The following KDM4C variants were observed in gnomAD, a reference collection of about 807,000 sequenced individuals.
The protein encoded by KDM4C is lysine-specific demethylase 4C.
Under a neutral mutation model 129.3 loss-of-function variants are expected in KDM4C, and 81 were observed. The ratio of observed to expected loss-of-function variants is 0.63; its 90% CI spans 0.52 to 0.75. The LOEUF (loss-of-function observed/expected upper bound fraction) is 0.75. KDM4C is among the 30% of genes least tolerant of loss of function. The probability of loss-of-function intolerance (pLI) is 0.00; values close to 1 mark genes in which losing one functional copy is unlikely to be tolerated. For missense variants in KDM4C, 1,457 were observed against 1,304.0 expected, an observed-to-expected ratio of 1.12 and a Z score of -1.81; for synonymous variants, 573 against 456.1, an observed-to-expected ratio of 1.26 and a Z score of -3.26.
chr9:7,033,389 GTAATAGATTTGGCTTCAAAATC>G (rs1827111862), intron 15 of KDM4C, among the ~76,000 whole-genome samples: 1 of 152,172 alleles, frequency 6.6e-6, no homozygotes, highest in African/African-American at 2.4e-5. Context: ...CTCATTTGAG[GTAATAGATTTGGCTTCAAAATC>G]ACCTCTTGCC....
At chr9:7,121,144 A>AC (rs1839442492) in intron 18 of KDM4C, among the ~76,000 whole-genome samples, 1 of 152,182 alleles carries the variant, frequency 6.6e-6, no homozygotes, top group Non-Finnish European at 1.5e-5. Flanking sequence ...TAGCGGTTTA[A>AC]ACCAGTGATA....
At chr9:6,974,203 G>A (rs1209493794) in intron 8 of KDM4C, among the ~76,000 whole-genome samples, 1 of 152,172 alleles carries the variant, frequency 6.6e-6, no homozygotes, top group Non-Finnish European at 1.5e-5. Context: ...TTCAGGATGC[G>A]TTCTAATTGT....
rs566954807 is a variant in KDM4C, at chr9:7,111,237, A to T, written c.2610+7367A>T. ...TCAGTGTCCCATTCATGGTAGGTAT[A>T]GGTTGAGCATCCAAATCCAAAATGC... is the stretch of plus-strand genomic sequence containing the variant. On this transcript the variant is annotated intron_variant, in intron 18 of 21. Coordinates refer to ENST00000381309, the MANE Select transcript of KDM4C (RefSeq NM_015061.6). Among the ~76,000 whole-genome samples, 5 of 152,258 alleles carry T rather than the reference A, an allele frequency of 3.3e-5. No homozygotes were observed. The East Asian group carries it at 9.6e-4, about 29-fold the overall frequency.
At chr9:7,100,008 C>G (rs777916336) in intron 17 of KDM4C, among the ~76,000 whole-genome samples, 9 of 152,098 alleles carry the variant, frequency 5.9e-5, no homozygotes, top group Non-Finnish European at 1.3e-4. Flanking sequence ...CTACTTCCCT[C>G]TCTAGCCTTG....
chr9:7,079,395 C>G (rs1308085973), intron 17 of KDM4C, among the ~76,000 whole-genome samples: 1 of 152,188 alleles, frequency 6.6e-6, no homozygotes, highest in East Asian at 1.9e-4. Context: ...ACGATCTTGG[C>G]TCACTACAAC....
chr9:6,927,609 C>A (rs1013959846), intron 8 of KDM4C, among the ~76,000 whole-genome samples: 36 of 152,198 alleles, frequency 2.4e-4, no homozygotes, highest in African/African-American at 8.2e-4. Flanking sequence ...CATCCCTCAT[C>A]TACGTAGAGG....
chr9:6,879,907 T>C (rs1844175455), intron 5 of KDM4C, 105 bp from the exon 6 acceptor site: 2 of 539,678 alleles, frequency 3.7e-6, no homozygotes, highest in Admixed American at 3.2e-5. Flanking sequence ...AAGTGGAGTT[T>C]GGTGTTGAAT....
At chr9:6,979,796 T>C (rs568565318) in intron 8 of KDM4C, among the ~76,000 whole-genome samples, 1 of 152,262 alleles carries the variant, frequency 6.6e-6, no homozygotes, top group African/African-American at 2.4e-5. Context: ...ATGCCGTAAA[T>C]GGAGACAAGG....
chr9:7,022,098 A>T (rs888652643), intron 15 of KDM4C, among the ~76,000 whole-genome samples: 1 of 151,946 alleles, frequency 6.6e-6, no homozygotes, highest in Admixed American at 6.6e-5. Flanking sequence ...TGATTCTTCC[A>T]TTTTGTTCTT....
rs1398473177 is a variant in KDM4C, at chr9:7,058,384, G to A, written c.2424+9184G>A. 3.3e-5 allele frequency among the ~76,000 whole-genome samples: 5 copies of A among 152,124 alleles called. 1 individual carries two copies. The highest frequency in any genetic ancestry group is 1.3e-4 in the Admixed American group (2 of 15,278). On this transcript the variant is annotated intron_variant, in intron 17 of 21. Transcript: ENST00000381309. ...TAAGAAGCAGCTCTCCTAGGAAAGG[G>A]GAAAAAAGCCCCTCATTTGTTGTGT...
rs1429051557 is a variant in KDM4C, at chr9:6,741,717, TCAGCAC to T, written c.49+20721_49+20726del. On this transcript the variant is annotated intron_variant, in intron 1 of 17. Transcript: ENST00000536108. ...TTTGTCTTTTGGTGACACTTTTTATTCAGCACTTTTTTTTTTTACTTTTTAAAAATA... is the reference window on the plus strand; with the variant it reads ...TTTGTCTTTTGGTGACACTTTTTATTTTTTTTTTTTTACTTTTTAAAAATA... Among the ~76,000 whole-genome samples, 524 of 148,284 alleles carry T rather than the reference TCAGCAC, an allele frequency of 3.5e-3. 3 individuals are homozygous for T. The highest frequency in any genetic ancestry group is 0.013 in the African/African-American group (494 of 39,362).
intron 5 of KDM4C, among the ~76,000 whole-genome samples, chr9:6,857,755 CTTTTTT>C (rs34529562): frequency 7.4e-6 from 1 of 135,542 alleles, no homozygotes; most frequent in East Asian, 2.1e-4. Context: ...GCCAGCTGTA[CTTTTTT>C]TTTTTTTTTT....
chr9:6,935,205 C>G (rs1459571858), intron 8 of KDM4C, among the ~76,000 whole-genome samples: 1 of 151,862 alleles, frequency 6.6e-6, no homozygotes, highest in African/African-American at 2.4e-5. Flanking sequence ...ATTTTTTCCT[C>G]TCTCATCATT....
intron 8 of KDM4C, among the ~76,000 whole-genome samples, chr9:6,919,790 G>A (rs2131187799): frequency 6.6e-6 from 1 of 152,094 alleles, no homozygotes; most frequent in East Asian, 1.9e-4. Context: ...GGCCAGACTG[G>A]TCTTGAACTC....
At chr9:6,979,164 T>C (rs1816319523) in intron 8 of KDM4C, among the ~76,000 whole-genome samples, 1 of 152,238 alleles carries the variant, frequency 6.6e-6, no homozygotes, top group Non-Finnish European at 1.5e-5. Context: ...TTCCCCCTTT[T>C]GTCAAAAGAT....
chr9:6,771,620 A>G (rs1310647714), intron 1 of KDM4C, among the ~76,000 whole-genome samples: 1 of 152,082 alleles, frequency 6.6e-6, no homozygotes, highest in Non-Finnish European at 1.5e-5. Flanking sequence ...CAGTATTTCA[A>G]ATTTAAGGCT....
At chr9:6,965,207 G>A (rs1830730903) in intron 8 of KDM4C, among the ~76,000 whole-genome samples, 1 of 151,372 alleles carries the variant, frequency 6.6e-6, no homozygotes, top group South Asian at 2.1e-4. Context: ...GTAAGCATAG[G>A]AAGCCTTGAG....
chr9:6,889,426 G>GA (rs977582425), intron 7 of KDM4C, among the ~76,000 whole-genome samples: 1 of 152,022 alleles, frequency 6.6e-6, no homozygotes, highest in Non-Finnish European at 1.5e-5. Flanking sequence ...TTTTTACCAT[G>GA]AAAAAATCGT....
chr9:6,919,529 ATCTG>A (rs61205193), intron 8 of KDM4C, among the ~76,000 whole-genome samples: 15,274 of 142,474 alleles, frequency 0.11, 841 homozygotes, highest in East Asian at 0.15. Flanking sequence ...TTTCAATTTC[ATCTG>A]TCTGTCTGTC....
Sources: allele counts gnomAD v4.1 joint callset (sites outside exome capture counted in the v4.1 genomes callset), GRCh38; gene constraint gnomAD v4.1.1; transcripts MANE v1.5; gene names NCBI Gene and HGNC (gene_info 2026-07-23, HGNC 2026-07-21).